Variants in IL5RA observed in about 807,000 individuals in gnomAD.
IL5RA encodes interleukin 5 receptor subunit alpha, also known as interleukin-5 receptor subunit alpha.
In IL5RA, 49 loss-of-function variants were observed where a neutral mutation model predicts 50.0. The ratio of observed to expected loss-of-function variants is 0.98; its 90% CI spans 0.78 to 1.24. The LOEUF (loss-of-function observed/expected upper bound fraction) is 1.24. Among genes scored for constraint, IL5RA ranks in the 50% most tolerant of loss-of-function variants. The pLI is 0.00. For missense variants in IL5RA, 600 were observed against 500.4 expected (o/e 1.20, Z -1.90); for synonymous variants, 202 against 174.0 (o/e 1.16, Z -1.26).
intron 11 of IL5RA, among the ~76,000 whole-genome samples, chr3:3,072,836 C>T (rs562779273): frequency 4.0e-4 from 61 of 152,250 alleles, no homozygotes; most frequent in African/African-American, 1.2e-3. Flanking sequence ...CACTTAAACC[C>T]GGGAGGTGGA....
chr3:3,096,145 G>A (rs1023870705), intron 7 of IL5RA, among the ~76,000 whole-genome samples: 1 of 152,124 alleles, frequency 6.6e-6, no homozygotes, highest in Non-Finnish European at 1.5e-5. Flanking sequence ...GAGCGTGGTG[G>A]TGGGCGCCTG....
intron 9 of IL5RA, among the ~76,000 whole-genome samples, chr3:3,078,329 G>A: frequency 6.6e-6 from 1 of 152,168 alleles, no homozygotes; most frequent in African/African-American, 2.4e-5. Flanking sequence ...AGTGATTCCA[G>A]CCTTGCCTTG....
chr3:3,109,994 A>G lies in IL5RA; in HGVS notation c.-195T>C, dbSNP rs1575018446. 1 of 152,198 alleles carries G rather than the reference A, an allele frequency of 6.6e-6. No homozygotes were observed. Among genetic ancestry groups the G allele is most frequent in the African/African-American group, 2.4e-5 (1 of 41,440 alleles). 9.4% of individuals were successfully genotyped at this position (152,198 alleles called of 1,614,324 possible). On this transcript the variant is annotated 5_prime_UTR_variant, in exon 1 of 12. Coordinates refer to ENST00000446632, the MANE Select transcript of IL5RA (RefSeq NM_175726.4). Reference sequence around the variant, plus strand: ...GAGAAGCAGCGGCAGGGCATTGAGAACGAACCTTATCTCTGGGTGCACTTT... The same window carrying G: ...GAGAAGCAGCGGCAGGGCATTGAGAGCGAACCTTATCTCTGGGTGCACTTT...
chr3:3,095,236 A>T, intron 8 of IL5RA, 63 bp downstream of exon 8: 3 of 1,356,172 alleles, frequency 2.2e-6, no homozygotes, highest in Non-Finnish European at 3.1e-6. Context: ...ACTGAAGATA[A>T]TTTTTTAAAT....
chr3:3,092,382 A>G lies in IL5RA; in HGVS notation c.856-20T>C, dbSNP rs1268190624. On this transcript the variant is annotated intron_variant, in intron 8 of 11. Transcript: ENST00000446632. The surrounding 1 kb of genome is among the most constrained non-coding windows in gnomAD (Gnocchi z 4.2). ...TTCTATCTAAGTGGGGAAAGATAGC[A>G]TTAGAAGAATCTCTAGACACCTAAT... is the stretch of plus-strand genomic sequence containing the variant. 2 of 1,609,666 alleles carry G rather than the reference A, an allele frequency of 1.2e-6. No homozygotes were observed. The highest frequency in any genetic ancestry group is 2.2e-5 in the South Asian group (2 of 90,992).
chr3:3,074,888 A>G (rs776650983), intron 10 of IL5RA, 22 bp from the exon 11 acceptor site: 1 of 1,458,218 alleles, frequency 6.9e-7, no homozygotes, highest in Non-Finnish European at 9.6e-7. Flanking sequence ...GTAAAGAAGG[A>G]ATTAGGTGAG....
chr3:3,099,959 C>T lies in IL5RA; in HGVS notation c.368-1669G>A, dbSNP rs773804465. 5.9e-5 allele frequency among the ~76,000 whole-genome samples: 9 copies of T among 152,132 alleles called. No individual in the cohort carries two copies. In the East Asian group the frequency reaches 9.7e-4, roughly 16 times the overall value. On this transcript the variant is annotated intron_variant, in intron 5 of 11. Transcript: ENST00000446632. ...TGCTGGGATTACAGGCGTGAGCGACCGCACCCGGCCAAGATTTTAAATGCA... is the reference window on the plus strand; with the variant it reads ...TGCTGGGATTACAGGCGTGAGCGACTGCACCCGGCCAAGATTTTAAATGCA...
chr3:3,102,823 G>C lies in IL5RA; in HGVS notation c.83-3C>G. On this transcript the variant is annotated splice_region_variant and splice_polypyrimidine_tract_variant and intron_variant, in intron 3 of 11. Coordinates refer to ENST00000446632, the MANE Select transcript of IL5RA (RefSeq NM_175726.4). ...ATTGACAGGTGGGAGAAGTGAAACT[G>C]TTGATTCAAAGAATAAAGAAACAAC... 1 of 1,596,222 alleles carries C rather than the reference G, an allele frequency of 6.3e-7. No individual in the cohort carries two copies. Among genetic ancestry groups the C allele is most frequent in the Non-Finnish European group, 8.5e-7 (1 of 1,174,720 alleles).
At chr3:3,072,086 C>T (rs551548742) in intron 11 of IL5RA, among the ~76,000 whole-genome samples, 1 of 152,338 alleles carries the variant, frequency 6.6e-6, no homozygotes, top group South Asian at 2.1e-4. Context: ...CACCAATGTG[C>T]CCTCTTGTCA....
chr3:3,078,448 T>C (rs1702558789), intron 9 of IL5RA, among the ~76,000 whole-genome samples: 1 of 152,216 alleles, frequency 6.6e-6, no homozygotes, highest in South Asian at 2.1e-4. Context: ...CAAATATTCA[T>C]AGAGTCCTTC....
Position 3,070,220 on chromosome 3 carries a change from G to C in IL5RA, c.*5C>G. On this transcript the variant is annotated 3_prime_UTR_variant, in exon 12 of 12. Coordinates refer to ENST00000446632, the MANE Select transcript of IL5RA (RefSeq NM_175726.4). Reference sequence around the variant, plus strand: ...TGAGTTCATCAGAGGATGCCAAAGTGACAGTCAAAACACAGAATCCTCCAG... The same window carrying C: ...TGAGTTCATCAGAGGATGCCAAAGTCACAGTCAAAACACAGAATCCTCCAG... 1 of 1,596,896 alleles carries C rather than the reference G, an allele frequency of 6.3e-7. No individual in the cohort carries two copies. The highest frequency in any genetic ancestry group is 8.6e-7 in the Non-Finnish European group (1 of 1,165,436).
At position 3,092,016 on chromosome 3, in the gene IL5RA, C is replaced by A; in HGVS notation, c.994+208G>T. 1 of 1,283,404 alleles carries A rather than the reference C, an allele frequency of 7.8e-7. No homozygotes were observed. Among genetic ancestry groups the A allele is most frequent in the Non-Finnish European group, 9.8e-7 (1 of 1,017,472 alleles). 79.5% of individuals were successfully genotyped at this position (1,283,404 alleles called of 1,614,324 possible). ...CAGGCACCAGGTCTAGGAGAGTTGG[C>A]GCTAATGAGAAGCCTAGACACTTAA... is the stretch of plus-strand genomic sequence containing the variant. On this transcript the variant is annotated intron_variant, in intron 9 of 11. Coordinates refer to ENST00000446632, the MANE Select transcript of IL5RA (RefSeq NM_175726.4). This position sits in a 1 kb window ranked among gnomAD's most constrained non-coding sequence, Gnocchi z 4.2.
rs1275817161 is a variant in IL5RA, at chr3:3,069,649, T to C, written c.*576A>G. ...GATAATTTCTCTCTCTCTCTCTCTC[T>C]CTCTCTCTCTCATACACACACATAC... On this transcript the variant is annotated 3_prime_UTR_variant, in exon 12 of 12. Coordinates refer to ENST00000446632, the MANE Select transcript of IL5RA (RefSeq NM_175726.4). The C allele has an allele frequency of 6.6e-6, 1 of 151,988 alleles. No homozygotes were observed. The highest frequency in any genetic ancestry group is 1.5e-5 in the Non-Finnish European group (1 of 68,050). The allele number at this position is 151,988 out of a possible 1,614,324, so 9.4% of individuals were successfully genotyped here.
intron 5 of IL5RA, among the ~76,000 whole-genome samples, chr3:3,099,746 T>C (rs1419925609): frequency 6.6e-6 from 1 of 151,778 alleles, no homozygotes; most frequent in African/African-American, 2.4e-5. Flanking sequence ...CTCAGCTCAC[T>C]GCAACCTCAC....
chr3:3,092,400 C>A lies in IL5RA; in HGVS notation c.856-38G>T, dbSNP rs1490982973. ...AGATAGCATTAGAAGAATCTCTAGACACCTAATTTAGTTCTGCCGATTATC... is the reference window on the plus strand; with the variant it reads ...AGATAGCATTAGAAGAATCTCTAGAAACCTAATTTAGTTCTGCCGATTATC... On this transcript the variant is annotated intron_variant, in intron 8 of 11. Coordinates refer to ENST00000446632, the MANE Select transcript of IL5RA (RefSeq NM_175726.4). This position sits in a 1 kb window ranked among gnomAD's most constrained non-coding sequence, Gnocchi z 4.2. 6.3e-7 allele frequency: 1 copy of A among 1,598,186 alleles called. No homozygotes were observed. Among genetic ancestry groups the A allele is most frequent in the Non-Finnish European group, 8.5e-7 (1 of 1,171,376 alleles).
At chr3:3,077,010 T>G (rs1010875176) in intron 9 of IL5RA, among the ~76,000 whole-genome samples, 1 of 152,176 alleles carries the variant, frequency 6.6e-6, no homozygotes, top group Non-Finnish European at 1.5e-5. Flanking sequence ...AAGATAAGCC[T>G]ATTGAGTAAC....
intron 9 of IL5RA, among the ~76,000 whole-genome samples, chr3:3,077,839 T>C (rs1166538340): frequency 1.3e-5 from 2 of 152,342 alleles, no homozygotes; most frequent in Middle Eastern, 3.4e-3. Flanking sequence ...AAAGAGGTTA[T>C]GTGCTTGCTA....
Position 3,095,382 on chromosome 3 carries a change from A to T in IL5RA, c.772T>A (p.Trp258Arg). The change falls in exon 8 of 12, where the codon TGG (tryptophan) becomes AGG (arginine). Residue 258 changes from tryptophan (W) to arginine (R), a missense_variant. Physicochemically the swap from Trp to Arg is moderately radical, Grantham distance 101 (BLOSUM62 -3). Transcript: ENST00000446632. ...EIEGTRLSIQ[W>R]EKPVSAFPIH... ...GGAAAAGCAGACACTGGTTTCTCCC[A>T]TTGGATAGAGAGACGAGTTCCTTCA... is the stretch of plus-strand genomic sequence containing the variant. 1 of 1,610,388 alleles carries T rather than the reference A, an allele frequency of 6.2e-7. No individual in the cohort carries two copies. Among genetic ancestry groups the T allele is most frequent in the Non-Finnish European group, 8.5e-7 (1 of 1,176,636 alleles).
At chr3:3,106,284 A>G (rs1008876834) in intron 2 of IL5RA, among the ~76,000 whole-genome samples, 10 of 152,240 alleles carry the variant, frequency 6.6e-5, no homozygotes, top group Admixed American at 1.3e-4. Flanking sequence ...GTAGAACCAC[A>G]GGAGAGACCT....
Sources: allele counts gnomAD v4.1 joint callset (sites outside exome capture counted in the v4.1 genomes callset), GRCh38; gene constraint gnomAD v4.1.1; non-coding constraint Gnocchi (gnomAD v3.1); transcripts MANE v1.5; gene names NCBI Gene and HGNC (gene_info 2026-07-23, HGNC 2026-07-21).